GPC5: variants seen among roughly 807,000 people sequenced by gnomAD.
GPC5 encodes glypican 5.
GPC5 carries 47 observed loss-of-function variants against 53.9 expected under a neutral mutation model. That is an observed-to-expected ratio of 0.87 (90% confidence interval 0.69 to 1.11). The LOEUF (loss-of-function observed/expected upper bound fraction) is 1.11. Ranked by LOEUF, GPC5 falls within the 50% of genes most tolerant of loss-of-function variation. The probability of loss-of-function intolerance (pLI) is 0.00; values close to 1 mark genes in which losing one functional copy is unlikely to be tolerated. For missense variants in GPC5, 748 were observed against 713.1 expected, an observed-to-expected ratio of 1.05 and a Z score of -0.56; for synonymous variants, 286 against 263.3, an observed-to-expected ratio of 1.09 and a Z score of -0.84.
intron 7 of GPC5, among the ~76,000 whole-genome samples, chr13:92,553,793 G>T (rs1882400968): frequency 6.6e-6 from 1 of 151,836 alleles, no homozygotes; most frequent in South Asian, 2.1e-4. Flanking sequence ...ATTTATGTGG[G>T]TCACAGCCTA....
chr13:92,700,101 T>G (rs1887680291), intron 7 of GPC5, among the ~76,000 whole-genome samples: 1 of 152,166 alleles, frequency 6.6e-6, no homozygotes, highest in Non-Finnish European at 1.5e-5. Flanking sequence ...GCTTTATGAA[T>G]CTGGGTGCTC....
At chr13:92,676,067 G>A (rs961409075) in intron 7 of GPC5, among the ~76,000 whole-genome samples, 1 of 152,080 alleles carries the variant, frequency 6.6e-6, no homozygotes, top group African/African-American at 2.4e-5. Flanking sequence ...TTTTTGCCAT[G>A]AATTTCAAGC....
At chr13:92,165,016 C>T (rs575071388) in intron 7 of GPC5, among the ~76,000 whole-genome samples, 19 of 152,186 alleles carry the variant, frequency 1.2e-4, no homozygotes, top group Non-Finnish European at 2.8e-4. Flanking sequence ...CTGCACAAAG[C>T]GATAAGGCCC....
intron 1 of GPC5, among the ~76,000 whole-genome samples, chr13:91,430,394 G>A (rs1879362200): frequency 6.6e-6 from 1 of 152,192 alleles, no homozygotes; most frequent in Non-Finnish European, 1.5e-5. Flanking sequence ...TGGCCATAGT[G>A]CTTGTTTAGG....
intron 6 of GPC5, among the ~76,000 whole-genome samples, chr13:91,955,404 G>A (rs986655610): frequency 1.3e-5 from 2 of 152,140 alleles, no homozygotes; most frequent in African/African-American, 2.4e-5. Flanking sequence ...CCTGGACAAC[G>A]AAGAAGCAAA....
chr13:91,802,298 A>G (rs1359161435), intron 5 of GPC5, among the ~76,000 whole-genome samples: 2 of 151,754 alleles, frequency 1.3e-5, no homozygotes, highest in African/African-American at 4.8e-5. Flanking sequence ...ACAGACCTTC[A>G]CAGTGAGTGT....
At chr13:91,758,370 A>T (rs79935712) in intron 5 of GPC5, among the ~76,000 whole-genome samples, 2,241 of 152,158 alleles carry the variant, frequency 0.015, 31 homozygotes, top group Middle Eastern at 0.071. Context: ...TGATTAATAA[A>T]AATTTATTAT....
intron 7 of GPC5, among the ~76,000 whole-genome samples, chr13:92,711,702 T>C (rs560823190): frequency 6.6e-6 from 1 of 152,092 alleles, no homozygotes; most frequent in African/African-American, 2.4e-5. Flanking sequence ...AAAAAACATC[T>C]CAACAAACTT....
chr13:91,597,535 T>C (rs1486110636), intron 2 of GPC5, among the ~76,000 whole-genome samples: 1 of 152,150 alleles, frequency 6.6e-6, no homozygotes, highest in Non-Finnish European at 1.5e-5. Context: ...TAGTTGTTTA[T>C]TTGGTTATGA....
chr13:92,314,969 G>T (rs894951339), intron 7 of GPC5, among the ~76,000 whole-genome samples: 1 of 152,008 alleles, frequency 6.6e-6, no homozygotes, highest in African/African-American at 2.4e-5. Context: ...TACAGACGGG[G>T]TGTTGCTGTG....
At chr13:91,768,317 CA>C in intron 5 of GPC5, among the ~76,000 whole-genome samples, 1 of 152,122 alleles carries the variant, frequency 6.6e-6, no homozygotes, top group Non-Finnish European at 1.5e-5. Flanking sequence ...TCAACCCAAA[CA>C]AAGGAAATTT....
chr13:91,631,516 C>G (rs962703026), intron 2 of GPC5, among the ~76,000 whole-genome samples: 2 of 152,056 alleles, frequency 1.3e-5, no homozygotes, highest in African/African-American at 4.8e-5. Flanking sequence ...TTTTAGACCT[C>G]AAAACAAATA....
intron 2 of GPC5, among the ~76,000 whole-genome samples, chr13:91,530,484 G>A (rs1212353566): frequency 2.6e-5 from 4 of 152,186 alleles, no homozygotes; most frequent in Non-Finnish European, 5.9e-5. Flanking sequence ...TGGAGTAGTA[G>A]TAGATGCATA....
chr13:92,692,336 T>C (rs1438789517), intron 7 of GPC5, among the ~76,000 whole-genome samples: 1 of 152,080 alleles, frequency 6.6e-6, no homozygotes, highest in Non-Finnish European at 1.5e-5. Flanking sequence ...GCAATGAATA[T>C]ACAGGTGCAA....
chr13:92,552,444 G>C (rs528430643), intron 7 of GPC5, among the ~76,000 whole-genome samples: 61 of 151,894 alleles, frequency 4.0e-4, no homozygotes, highest in Non-Finnish European at 7.7e-4. Flanking sequence ...TGAAGAGCAA[G>C]AAAATTAAAA....
chr13:91,922,285 C>T (rs916860983), intron 6 of GPC5, among the ~76,000 whole-genome samples: 2 of 151,968 alleles, frequency 1.3e-5, no homozygotes, highest in African/African-American at 4.8e-5. Context: ...ATATTTAGTA[C>T]TCTGATAAAT....
chr13:92,516,262 C>A (rs751060268), intron 7 of GPC5, among the ~76,000 whole-genome samples: 7 of 151,848 alleles, frequency 4.6e-5, no homozygotes, highest in Non-Finnish European at 7.4e-5. Context: ...AATAATAATC[C>A]ATATAGCAAT....
chr13:92,549,982 C>A (rs909693521), intron 7 of GPC5, among the ~76,000 whole-genome samples: 1 of 150,996 alleles, frequency 6.6e-6, no homozygotes, highest in African/African-American at 2.4e-5. Context: ...TATAATATTA[C>A]TGATAACTAT....
chr13:92,177,683 T>G (rs1327264454), intron 7 of GPC5, among the ~76,000 whole-genome samples: 1 of 152,288 alleles, frequency 6.6e-6, no homozygotes, highest in East Asian at 1.9e-4. Flanking sequence ...TTTCACAGGC[T>G]CTGTCTGATA....
Sources: gnomAD v4.1 joint callset for allele counts (sites outside exome capture counted in the v4.1 genomes callset) on GRCh38, gnomAD v4.1.1 for gene constraint, MANE v1.5 for transcripts, NCBI Gene and HGNC (gene_info 2026-07-23, HGNC 2026-07-21) for gene names.